The following VPS13B variants were observed in gnomAD, a reference collection of about 807,000 sequenced individuals.
The protein encoded by VPS13B is intermembrane lipid transfer protein VPS13B.
VPS13B carries 285 observed loss-of-function variants against 426.4 expected under a neutral mutation model. The ratio of observed to expected loss-of-function variants is 0.67; its 90% confidence interval spans 0.61 to 0.74. The LOEUF is 0.74. Among genes scored for constraint, VPS13B ranks in the 30% least tolerant of loss-of-function variants. VPS13B has a pLI of 0.00. For missense variants in VPS13B, 4,537 were observed against 4,782.6 expected (o/e 0.95, Z 1.51); for synonymous variants, 1,676 against 1,676.4 (o/e 1.00, Z 0.01).
At chr8:99,335,143 G>A (rs558764054) in intron 19 of VPS13B, among the ~76,000 whole-genome samples, 49 of 152,168 alleles carry the variant, frequency 3.2e-4, no homozygotes, top group South Asian at 6.2e-4. Context: ...GTTTATTTGC[G>A]TAGAGGTGTT....
At chr8:99,595,882 T>A (rs1361644660) in intron 33 of VPS13B, among the ~76,000 whole-genome samples, 1 of 152,006 alleles carries the variant, frequency 6.6e-6, no homozygotes, top group African/African-American at 2.4e-5. Context: ...AAAGATGTTG[T>A]AGAAATAACC....
chr8:99,492,477 G>A (rs550862297), intron 25 of VPS13B, among the ~76,000 whole-genome samples: 1 of 152,324 alleles, frequency 6.6e-6, no homozygotes, highest in East Asian at 1.9e-4. Context: ...CACAGAGGTG[G>A]AGTCTAGAGA....
chr8:99,712,245 G>A (rs1438605097), intron 36 of VPS13B, among the ~76,000 whole-genome samples: 2 of 152,208 alleles, frequency 1.3e-5, no homozygotes, highest in Non-Finnish European at 2.9e-5. Flanking sequence ...TTCCCTCTGC[G>A]TTACGCAGCT....
intron 23 of VPS13B, among the ~76,000 whole-genome samples, chr8:99,457,904 T>C (rs893657278): frequency 6.6e-6 from 1 of 152,270 alleles, no homozygotes; most frequent in Middle Eastern, 3.4e-3. Context: ...AGATTTCTTT[T>C]TGTTGCTGAT....
intron 21 of VPS13B, among the ~76,000 whole-genome samples, chr8:99,427,969 C>T (rs542206489): frequency 1.1e-4 from 17 of 152,172 alleles, no homozygotes; most frequent in Admixed American, 5.9e-4. Context: ...ACAGAGCCCT[C>T]AGAAATAATG....
intron 19 of VPS13B, among the ~76,000 whole-genome samples, chr8:99,289,074 G>A (rs13279237): frequency 6.8e-5 from 6 of 88,090 alleles, no homozygotes; most frequent in South Asian, 3.7e-4. Context: ...AAAGAAGGAA[G>A]GAAGGAAGGA....
chr8:99,841,190 G>GA (rs1815664009), intron 54 of VPS13B, among the ~76,000 whole-genome samples: 1 of 152,120 alleles, frequency 6.6e-6, no homozygotes, highest in Non-Finnish European at 1.5e-5. Flanking sequence ...GATCAACTTA[G>GA]AAATTCATCT....
At chr8:99,757,251 G>A (rs1199663255) in intron 39 of VPS13B, among the ~76,000 whole-genome samples, 2 of 152,130 alleles carry the variant, frequency 1.3e-5, no homozygotes, top group Admixed American at 1.3e-4. Context: ...GTCTAGAATG[G>A]AAGCTCTGGC....
chr8:99,246,606 G>A lies in VPS13B; in HGVS notation c.2516-27592G>A, dbSNP rs146880694. Among the ~76,000 whole-genome samples, 253 of 152,126 alleles carry A rather than the reference G, an allele frequency of 1.7e-3. 1 individual carries two copies. Among genetic ancestry groups the A allele is most frequent in the African/African-American group, 5.9e-3 (246 of 41,522 alleles). ...TATGAGCTCTGATGCGGTGGCTCAC[G>A]CCTGTAATCCCAGCACTTTGGGAGG... is the stretch of plus-strand genomic sequence containing the variant. On this transcript the variant is annotated intron_variant, in intron 17 of 61. Transcript: ENST00000357162.
intron 14 of VPS13B, among the ~76,000 whole-genome samples, chr8:99,153,707 G>A (rs1488010849): frequency 6.6e-6 from 1 of 151,758 alleles, no homozygotes; most frequent in Non-Finnish European, 1.5e-5. Context: ...TTATTATTTT[G>A]ACAAAATTTA....
chr8:99,472,990 A>G (rs564323033), intron 24 of VPS13B, among the ~76,000 whole-genome samples: 2 of 152,206 alleles, frequency 1.3e-5, no homozygotes, highest in East Asian at 1.9e-4. Context: ...AAATAGCTCT[A>G]TATCTTTTAA....
rs1255037756 is a variant in VPS13B, at chr8:99,467,606, C to T, written c.3638C>T (p.Ser1213Leu). ...FVVCLHVDLE[S>L]LEIKCSNPQV... ...GTCTGTCTCCATGTTGACCTAGAGT[C>T]ACTAGAGATAAAATGCTCTAATCCC... is the stretch of plus-strand genomic sequence containing the variant. Residue 1213 changes from serine (S) to leucine (L), a missense_variant, in exon 24 of 62, where the codon TCA (serine) becomes TTA (leucine). Coordinates refer to ENST00000357162, the MANE Select transcript of VPS13B (RefSeq NM_152564.5). 1.2e-6 allele frequency: 2 copies of T among 1,611,770 alleles called. No homozygotes were observed. Among genetic ancestry groups the T allele is most frequent in the Admixed American group, 3.3e-5 (2 of 59,892 alleles).
intron 39 of VPS13B, among the ~76,000 whole-genome samples, chr8:99,746,779 T>A (rs1588678613): frequency 6.6e-6 from 1 of 152,076 alleles, no homozygotes; most frequent in Admixed American, 6.6e-5. Context: ...CCAAACTGAA[T>A]GGAATCAACA....
At chr8:99,863,695 C>T (rs1250072512) in intron 58 of VPS13B, among the ~76,000 whole-genome samples, 3 of 152,112 alleles carry the variant, frequency 2.0e-5, no homozygotes, top group Admixed American at 6.6e-5. Context: ...TCTTTCTGGG[C>T]GTGGGTCCTG....
chr8:99,654,979 T>TACC (rs936007389), intron 34 of VPS13B, among the ~76,000 whole-genome samples: 1 of 152,150 alleles, frequency 6.6e-6, no homozygotes, highest in Non-Finnish European at 1.5e-5. Context: ...TGTTTCCTCC[T>TACC]ACCCTACTCT....
chr8:99,241,528 T>G (rs977850288), intron 17 of VPS13B: 1 of 152,212 alleles, frequency 6.6e-6, no homozygotes, highest in Admixed American at 6.5e-5. Flanking sequence ...CATTTGATTT[T>G]AACAAGTTGA....
intron 29 of VPS13B, among the ~76,000 whole-genome samples, chr8:99,511,999 G>A (rs1301518772): frequency 1.3e-5 from 2 of 152,126 alleles, no homozygotes; most frequent in African/African-American, 4.8e-5. Context: ...AGCCCAACAT[G>A]GTGGTGCACA....
chr8:99,112,219 T>A (rs1301760649), intron 6 of VPS13B, among the ~76,000 whole-genome samples: 2 of 152,188 alleles, frequency 1.3e-5, no homozygotes, highest in Non-Finnish European at 2.9e-5. Flanking sequence ...CTGATCCCAT[T>A]AAGTAGGTTT....
intron 23 of VPS13B, among the ~76,000 whole-genome samples, chr8:99,447,658 A>G (rs187899362): frequency 1.3e-5 from 2 of 152,234 alleles, no homozygotes; most frequent in East Asian, 3.9e-4. Context: ...AAATTCATTA[A>G]TAAGTTTAAG....
Sources: allele counts gnomAD v4.1 joint callset (sites outside exome capture counted in the v4.1 genomes callset), GRCh38; gene constraint gnomAD v4.1.1; transcripts MANE v1.5; gene names NCBI Gene and HGNC (gene_info 2026-07-23, HGNC 2026-07-21).